The following SLIT3 variants were observed in gnomAD, a reference collection of about 807,000 sequenced individuals.
The protein encoded by SLIT3 is slit homolog 3 protein.
Under a neutral mutation model 184.0 loss-of-function variants are expected in SLIT3, and 68 were observed. That is an observed-to-expected ratio of 0.37 (90% CI 0.30 to 0.45). SLIT3 has a LOEUF of 0.45. SLIT3 is among the 20% of genes least tolerant of loss of function. The pLI, the probability that SLIT3 is intolerant of heterozygous loss-of-function variation, is 1.00. For missense variants in SLIT3, 1,707 were observed against 2,026.0 expected, an observed-to-expected ratio of 0.84 and a Z score of 3.02; for synonymous variants, 831 against 828.6, an observed-to-expected ratio of 1.00 and a Z score of -0.05.
chr5:169,232,456 C>T (rs1223674141), intron 3 of SLIT3, among the ~76,000 whole-genome samples: 1 of 152,132 alleles, frequency 6.6e-6, no homozygotes, highest in Non-Finnish European at 1.5e-5. Flanking sequence ...AACTCCTGAC[C>T]TCAGGTGATC....
At chr5:169,129,231 C>T (rs1277298253) in intron 4 of SLIT3, among the ~76,000 whole-genome samples, 2 of 152,108 alleles carry the variant, frequency 1.3e-5, no homozygotes, top group African/African-American at 4.8e-5. Context: ...CAATCAAATC[C>T]AAACTCTCTT....
intron 5 of SLIT3, among the ~76,000 whole-genome samples, chr5:168,873,354 G>A (rs1488942760): frequency 1.3e-5 from 2 of 151,884 alleles, no homozygotes; most frequent in Non-Finnish European, 1.5e-5. Context: ...CATATGGCCG[G>A]TATAGTGACT....
chr5:169,248,826 C>G (rs1003605944), intron 2 of SLIT3, among the ~76,000 whole-genome samples: 1 of 152,120 alleles, frequency 6.6e-6, no homozygotes, highest in African/African-American at 2.4e-5. Context: ...CTACTCCCAT[C>G]CCATGGGAGA....
intron 3 of SLIT3, among the ~76,000 whole-genome samples, chr5:169,213,270 C>G (rs1298812343): frequency 7.5e-6 from 1 of 133,802 alleles, no homozygotes; most frequent in African/African-American, 2.9e-5. Context: ...TGTGAAGGCC[C>G]TCTTCAAGGA....
At chr5:168,712,831 C>G (rs1762601991) in intron 23 of SLIT3, 1 of 157,276 alleles carries the variant, frequency 6.4e-6, no homozygotes, top group African/African-American at 2.4e-5. Context: ...AGCAATTTAC[C>G]CTCTCTGTGC....
chr5:168,979,652 A>G (rs1458279020), intron 4 of SLIT3, among the ~76,000 whole-genome samples: 3 of 152,152 alleles, frequency 2.0e-5, no homozygotes. Context: ...TGTGTGTTTA[A>G]CAGAAGGGGG....
chr5:169,081,284 CCTGGGAAGAGGA>C (rs1759035475), intron 4 of SLIT3, among the ~76,000 whole-genome samples: 1 of 152,154 alleles, frequency 6.6e-6, no homozygotes, highest in Non-Finnish European at 1.5e-5. Flanking sequence ...TGGGAAGGAG[CCTGGGAAGAGGA>C]GAGGAAGGAG....
At chr5:168,746,500 GT>G (rs2113449639) in intron 20 of SLIT3, among the ~76,000 whole-genome samples, 4 of 100,544 alleles carry the variant, frequency 4.0e-5, no homozygotes, top group African/African-American at 7.7e-5. Context: ...GTGGTGGTGT[GT>G]GGTGTGTGAG....
chr5:168,776,818 A>G (rs1755765901), intron 12 of SLIT3, among the ~76,000 whole-genome samples: 1 of 152,134 alleles, frequency 6.6e-6, no homozygotes, highest in South Asian at 2.1e-4. Context: ...TGGACCCTTC[A>G]CACACACAGT....
intron 4 of SLIT3, among the ~76,000 whole-genome samples, chr5:168,982,081 C>T (rs890539625): frequency 5.3e-5 from 8 of 152,176 alleles, no homozygotes; most frequent in African/African-American, 1.7e-4. Flanking sequence ...TAATTCTTTC[C>T]TTTCTTCTAA....
intron 4 of SLIT3, among the ~76,000 whole-genome samples, chr5:169,017,094 G>A (rs1439388846): frequency 6.6e-6 from 1 of 152,194 alleles, no homozygotes; most frequent in Admixed American, 6.5e-5. Flanking sequence ...AAGTAACTCA[G>A]CACTTTGTGT....
intron 6 of SLIT3, among the ~76,000 whole-genome samples, chr5:168,824,235 G>C (rs1412335436): frequency 6.6e-6 from 1 of 152,170 alleles, no homozygotes; most frequent in Non-Finnish European, 1.5e-5. Flanking sequence ...CACTGTGTCA[G>C]CCTTCAGCAC....
intron 4 of SLIT3, among the ~76,000 whole-genome samples, chr5:168,913,975 CCTAA>C (rs1180644076): frequency 6.6e-6 from 1 of 152,216 alleles, no homozygotes; most frequent in East Asian, 1.9e-4. Context: ...CCTTTTCTCA[CCTAA>C]CTGTGTATCT....
At chr5:169,216,676 G>A (rs1257996650) in intron 3 of SLIT3, among the ~76,000 whole-genome samples, 4 of 152,142 alleles carry the variant, frequency 2.6e-5, no homozygotes, top group Non-Finnish European at 4.4e-5. Flanking sequence ...ATTCCTCGAT[G>A]GTTATCTGAG....
Position 168,762,685 on chromosome 5 carries a change from G to A in SLIT3, c.1464C>T (p.Ser488=), listed in dbSNP as rs774418931. 47 of 1,613,208 alleles carry A rather than the reference G, an allele frequency of 2.9e-5. No individual in the cohort carries two copies. The highest frequency in any genetic ancestry group is 9.9e-5 in the South Asian group (9 of 91,076). The change falls in exon 15 of 36, where the codon TCC becomes TCT. Residue 488 remains serine (S), a synonymous_variant. Transcript: ENST00000519560. ...IKSKKFRCSG[S]EDYRSRFSSE... ...TGCTGAACCTGCTGCGGTAATCCTC[G>A]GAGCCTGGGAGGGGCCAAAGAGGGG...
intron 4 of SLIT3, among the ~76,000 whole-genome samples, chr5:169,078,808 G>A (rs1533149): frequency 0.063 from 9,587 of 152,226 alleles, 426 homozygotes; most frequent in South Asian, 0.11. Context: ...TACCAGACAC[G>A]CCAAGTGAAA....
At chr5:168,732,364 CGTT>C (rs957574012) in intron 20 of SLIT3, among the ~76,000 whole-genome samples, 4 of 151,900 alleles carry the variant, frequency 2.6e-5, no homozygotes, top group African/African-American at 9.7e-5. Context: ...GAAGAACTAA[CGTT>C]GTTAAAATGA....
intron 23 of SLIT3, 117 bp downstream of exon 23, chr5:168,722,139 G>C (rs1762961525): frequency 2.4e-6 from 2 of 833,582 alleles, no homozygotes; most frequent in South Asian, 3.0e-5. Flanking sequence ...TGGGTAGGAA[G>C]GTGTGTTTGG....
intron 4 of SLIT3, among the ~76,000 whole-genome samples, chr5:168,954,048 A>T (rs141623706): frequency 6.6e-6 from 1 of 152,140 alleles, no homozygotes; most frequent in Non-Finnish European, 1.5e-5. Context: ...CTGGGGGGAA[A>T]CAAGTGTCAC....
Sources: allele counts gnomAD v4.1 joint callset (sites outside exome capture counted in the v4.1 genomes callset), GRCh38; gene constraint gnomAD v4.1.1; transcripts MANE v1.5; gene names NCBI Gene and HGNC (gene_info 2026-07-23, HGNC 2026-07-21).